The following NALF1 variants were observed in gnomAD, a reference collection of about 807,000 sequenced individuals.
NALF1 encodes the protein family with sequence similarity 155 member A.
NALF1 carries 3 observed loss-of-function variants against 48.4 expected under a neutral mutation model. That is an observed-to-expected ratio of 0.06 (90% CI 0.03 to 0.16). The LOEUF is 0.16. NALF1 is among the 10% of genes least tolerant of loss of function. NALF1 has a pLI of 1.00. For missense variants in NALF1, 526 were observed against 571.5 expected, an observed-to-expected ratio of 0.92 and a Z score of 0.81; for synonymous variants, 262 against 245.7, an observed-to-expected ratio of 1.07 and a Z score of -0.62.
chr13:107,537,318 T>TA (rs1416472654), intron 1 of NALF1, among the ~76,000 whole-genome samples: 3 of 152,132 alleles, frequency 2.0e-5, no homozygotes, highest in Admixed American at 1.3e-4. Context: ...TCCCCTCTTA[T>TA]ACATGCCACT....
At chr13:107,517,481 A>T (rs896609577) in intron 1 of NALF1, among the ~76,000 whole-genome samples, 1 of 151,794 alleles carries the variant, frequency 6.6e-6, no homozygotes, top group Non-Finnish European at 1.5e-5. Context: ...AAATACAAAA[A>T]ATTAGCCGGG....
intron 1 of NALF1, among the ~76,000 whole-genome samples, chr13:107,639,729 A>G (rs537944654): frequency 6.6e-6 from 1 of 152,250 alleles, no homozygotes; most frequent in African/African-American, 2.4e-5. Flanking sequence ...GTCTCAACTC[A>G]GGCATGATGC....
chr13:107,827,779 A>T (rs148357541), intron 1 of NALF1, among the ~76,000 whole-genome samples: 2,532 of 152,304 alleles, frequency 0.017, 78 homozygotes, highest in African/African-American at 0.058. Context: ...AGATACATCA[A>T]ATGTTTCTTT....
intron 1 of NALF1, among the ~76,000 whole-genome samples, chr13:107,401,477 C>T (rs755714028): frequency 6.6e-6 from 1 of 152,154 alleles, no homozygotes; most frequent in Non-Finnish European, 1.5e-5. Context: ...AGTAATGATG[C>T]TGCCTCTTTA....
intron 1 of NALF1, among the ~76,000 whole-genome samples, chr13:107,231,635 G>A (rs891641132): frequency 1.3e-5 from 2 of 152,190 alleles, no homozygotes; most frequent in Non-Finnish European, 2.9e-5. Flanking sequence ...TCTTCTGACT[G>A]TAATATACAA....
At chr13:107,530,170 G>A (rs1876580511) in intron 1 of NALF1, among the ~76,000 whole-genome samples, 1 of 151,978 alleles carries the variant, frequency 6.6e-6, no homozygotes, top group South Asian at 2.1e-4. Flanking sequence ...TATTAATGAG[G>A]CAGGCTCAGT....
intron 1 of NALF1, among the ~76,000 whole-genome samples, chr13:107,667,872 T>C (rs1478805547): frequency 6.6e-6 from 1 of 152,104 alleles, no homozygotes; most frequent in African/African-American, 2.4e-5. Context: ...AAATCTTCTC[T>C]CCATATAATG....
At chr13:107,316,880 A>T (rs1480086498) in intron 1 of NALF1, among the ~76,000 whole-genome samples, 1 of 152,070 alleles carries the variant, frequency 6.6e-6, no homozygotes, top group Non-Finnish European at 1.5e-5. Context: ...CTACTTTTAC[A>T]TATACACTGG....
rs140835898 is a variant in NALF1, at chr13:107,768,579, G to A, written c.915+97103C>T. ...AGGATGAACAATTGGAATCATTCTC[G>A]GAATAACTTTCCCTTCATCTTTAAC... On this transcript the variant is annotated intron_variant, in intron 1 of 2. Transcript: ENST00000375915. Among the ~76,000 whole-genome samples, 121 of 152,128 alleles carry A rather than the reference G, an allele frequency of 8.0e-4. 2 individuals carry two copies. The highest frequency in any genetic ancestry group is 7.3e-3 in the Admixed American group (112 of 15,282).
intron 1 of NALF1, among the ~76,000 whole-genome samples, chr13:107,710,709 A>G (rs1399863895): frequency 6.6e-6 from 1 of 151,684 alleles, no homozygotes; most frequent in Non-Finnish European, 1.5e-5. Context: ...TCCCTCCCTC[A>G]ACACGTGGGG....
At chr13:107,774,011 T>C (rs1442240161) in intron 1 of NALF1, among the ~76,000 whole-genome samples, 1 of 152,184 alleles carries the variant, frequency 6.6e-6, no homozygotes, top group Admixed American at 6.5e-5. Context: ...TTTTAAACTA[T>C]TAGTTAAGTC....
chr13:107,755,697 C>T (rs1384973022), intron 1 of NALF1, among the ~76,000 whole-genome samples: 1 of 151,948 alleles, frequency 6.6e-6, no homozygotes, highest in East Asian at 1.9e-4. Context: ...TGTTTGATTG[C>T]ACATGCTTCA....
At chr13:107,187,177 T>C (rs768871795) in intron 2 of NALF1, among the ~76,000 whole-genome samples, 2 of 152,188 alleles carry the variant, frequency 1.3e-5, no homozygotes, top group Non-Finnish European at 2.9e-5. Flanking sequence ...GGGTAATCTC[T>C]TCATTTTAAA....
intron 1 of NALF1, among the ~76,000 whole-genome samples, chr13:107,673,958 G>A (rs1047052081): frequency 1.2e-4 from 18 of 152,132 alleles, no homozygotes; most frequent in African/African-American, 2.6e-4. Context: ...ACCAAGGGCC[G>A]GCTCCACATG....
At chr13:107,367,332 C>A (rs558192032) in intron 1 of NALF1, among the ~76,000 whole-genome samples, 4 of 152,234 alleles carry the variant, frequency 2.6e-5, no homozygotes, top group African/African-American at 9.6e-5. Flanking sequence ...GCACCACCAG[C>A]GGGCAATTAC....
intron 1 of NALF1, among the ~76,000 whole-genome samples, chr13:107,685,321 A>C (rs2138499611): frequency 6.6e-6 from 1 of 152,236 alleles, no homozygotes; most frequent in South Asian, 2.1e-4. Flanking sequence ...TCAGGAAAAA[A>C]ACAAACAAAA....
At chr13:107,213,720 T>G (rs536783605) in intron 1 of NALF1, among the ~76,000 whole-genome samples, 1 of 152,154 alleles carries the variant, frequency 6.6e-6, no homozygotes, top group South Asian at 2.1e-4. Flanking sequence ...AATAAACTGG[T>G]AAAAGTTCGC....
At chr13:107,374,749 A>C (rs1173017814) in intron 1 of NALF1, among the ~76,000 whole-genome samples, 1 of 150,544 alleles carries the variant, frequency 6.6e-6, no homozygotes, top group African/African-American at 2.4e-5. Flanking sequence ...TAATGTCATT[A>C]TCATGGAAGT....
intron 1 of NALF1, among the ~76,000 whole-genome samples, chr13:107,545,935 A>G (rs1310341203): frequency 6.6e-6 from 1 of 152,176 alleles, no homozygotes; most frequent in Non-Finnish European, 1.5e-5. Flanking sequence ...CATAGCAAAC[A>G]TCTTAAATGA....
Sources: gnomAD v4.1 joint callset for allele counts (sites outside exome capture counted in the v4.1 genomes callset) on GRCh38, gnomAD v4.1.1 for gene constraint, MANE v1.5 for transcripts, NCBI Gene and HGNC (gene_info 2026-07-23, HGNC 2026-07-21) for gene names.